Variants in IGSF10 observed in about 807,000 individuals in gnomAD.
The protein encoded by IGSF10 is immunoglobulin superfamily member 10.
IGSF10 carries 126 observed loss-of-function variants against 128.2 expected under a neutral mutation model. The ratio of observed to expected loss-of-function variants is 0.98; its 90% CI spans 0.85 to 1.14. IGSF10 has a LOEUF of 1.14. Ranked by LOEUF, IGSF10 falls within the 50% of genes most tolerant of loss-of-function variation. IGSF10 has a pLI of 0.00. For missense variants in IGSF10, 3,295 were observed against 3,149.8 expected (o/e 1.05, Z -1.10); for synonymous variants, 1,185 against 1,146.2 (o/e 1.03, Z -0.68).
chr3:151,533,888 T>A, the IGSF10 span, among the ~76,000 whole-genome samples: 1 of 152,182 alleles, frequency 6.6e-6, no homozygotes, highest in African/African-American at 2.4e-5. Context: ...TGGGAGAAGA[T>A]TTTTGCAATC....
At chr3:151,567,856 C>T in the IGSF10 span, among the ~76,000 whole-genome samples, 1 of 152,158 alleles carries the variant, frequency 6.6e-6, no homozygotes, top group African/African-American at 2.4e-5. Flanking sequence ...TTCCCCTGTG[C>T]CCCCTGCCTG....
chr3:151,570,133 A>G, the IGSF10 span, among the ~76,000 whole-genome samples: 1 of 152,132 alleles, frequency 6.6e-6, no homozygotes, highest in African/African-American at 2.4e-5. Flanking sequence ...CCAGTCTATC[A>G]TTGTTGGACA....
At chr3:151,520,928 AC>A in the IGSF10 span, among the ~76,000 whole-genome samples, 1 of 147,598 alleles carries the variant, frequency 6.8e-6, no homozygotes, top group Non-Finnish European at 1.5e-5. Flanking sequence ...CTTAAAAGGC[AC>A]AGAGTAGCAA....
chr3:151,522,517 G>A, the IGSF10 span, among the ~76,000 whole-genome samples: 1 of 152,132 alleles, frequency 6.6e-6, no homozygotes, highest in African/African-American at 2.4e-5. Flanking sequence ...TCATCCCTGG[G>A]ATGCAAGGTT....
the IGSF10 span, among the ~76,000 whole-genome samples, chr3:151,582,144 C>T: frequency 6.6e-6 from 1 of 151,946 alleles, no homozygotes; most frequent in African/African-American, 2.4e-5. Context: ...TATTTCTAAA[C>T]TGTAAATAGA....
upstream of IGSF10, chr3:151,461,275 G>A: frequency 1.0e-6 from 1 of 985,334 alleles, no homozygotes. Context: ...CAGTTTCAGT[G>A]GCCGCCCGTT....
chr3:151,517,459 C>A, the IGSF10 span, among the ~76,000 whole-genome samples: 1 of 151,954 alleles, frequency 6.6e-6, no homozygotes, highest in Non-Finnish European at 1.5e-5. Flanking sequence ...CCCTGGTGCA[C>A]TGTATTCTCT....
chr3:151,440,765 G>A (rs1445291913), intron 7 of IGSF10: 5 of 382,444 alleles, frequency 1.3e-5, no homozygotes, highest in Non-Finnish European at 2.1e-5. Context: ...AGCATGGCTT[G>A]GGCATCAGGA....
At chr3:151,537,116 G>T in the IGSF10 span, among the ~76,000 whole-genome samples, 1 of 152,238 alleles carries the variant, frequency 6.6e-6, no homozygotes, top group Admixed American at 6.5e-5. Context: ...AAATTTTTGG[G>T]TAAGCCATCT....
In IGSF10 at chr3:151,438,548, A is replaced by G. The variant is rs757807362; in HGVS notation, c.6013T>C (p.Ser2005Pro). The G allele has an allele frequency of 1.9e-6, 3 of 1,613,790 alleles. No individual in the cohort carries two copies. The Admixed American group carries it at 5.0e-5, about 27-fold the overall frequency. ...ACACCACTGTCTTTTTCTGTTACTGATCCAATAAACAGGGATCCATTAGGG... is the reference window on the plus strand; with the variant it reads ...ACACCACTGTCTTTTTCTGTTACTGGTCCAATAAACAGGGATCCATTAGGG... Reference protein sequence around the residue: ...VYPNGSLFIGSVTEKDSGVYL... With the variant: ...VYPNGSLFIGPVTEKDSGVYL... Residue 2005 changes from serine to proline, a missense_variant, in exon 8 of 8, where the codon TCA becomes CCA. Coordinates refer to ENST00000282466, the MANE Select transcript of IGSF10 (RefSeq NM_178822.5).
At chr3:151,605,539 C>G in the IGSF10 span, among the ~76,000 whole-genome samples, 2 of 151,856 alleles carry the variant, frequency 1.3e-5, no homozygotes, top group Non-Finnish European at 2.9e-5. Flanking sequence ...ACTATGGCTA[C>G]GAAAATTCTA....
chr3:151,514,446 G>T, the IGSF10 span, among the ~76,000 whole-genome samples: 4 of 152,056 alleles, frequency 2.6e-5, no homozygotes, highest in African/African-American at 7.2e-5. Flanking sequence ...GATCCCTTCT[G>T]TGCACCTTAT....
At chr3:151,584,844 G>A in the IGSF10 span, among the ~76,000 whole-genome samples, 17 of 152,202 alleles carry the variant, frequency 1.1e-4, 1 homozygote, top group Admixed American at 1.0e-3. Context: ...TCCAGATAGG[G>A]GAAGCTGTGA....
At chr3:151,546,344 T>C in the IGSF10 span, among the ~76,000 whole-genome samples, 3 of 152,182 alleles carry the variant, frequency 2.0e-5, no homozygotes, top group African/African-American at 7.2e-5. Flanking sequence ...TGTTATTTAC[T>C]ATTTATGTTT....
rs1417323125 is a variant in IGSF10 at position 151,447,709 on chromosome 3, C to A, written c.2272G>T (p.Ala758Ser). 3.7e-6 allele frequency: 6 copies of A among 1,614,004 alleles called. No individual in the cohort carries two copies. The highest frequency in any genetic ancestry group is 4.2e-6 in the Non-Finnish European group (5 of 1,180,040). The part of the protein sequence containing the change: ...ARRIDPQHWA[A>S]LLEKAKKNAM... The stretch of plus-strand genomic sequence containing the variant: ...TTCTTTTTAGCTTTCTCCAACAGTG[C>A]CGCCCAATGTTGTGGGTCAATTCTC... Residue 758 changes from alanine to serine, a missense_variant, in exon 6 of 8, where the codon GCA becomes TCA. Physicochemically the swap from Ala to Ser is moderately conservative, Grantham distance 99. Transcript: ENST00000282466.
the IGSF10 span, among the ~76,000 whole-genome samples, chr3:151,529,097 C>T: frequency 6.6e-6 from 1 of 152,148 alleles, no homozygotes; most frequent in Non-Finnish European, 1.5e-5. Flanking sequence ...GAGGTTCAAA[C>T]TGGGCAGACC....
At chr3:151,471,333 G>A in the IGSF10 span, among the ~76,000 whole-genome samples, 1 of 152,204 alleles carries the variant, frequency 6.6e-6, no homozygotes, top group Non-Finnish European at 1.5e-5. Context: ...AATACTTGTA[G>A]TGTCAGAAAT....
At chr3:151,444,564 C>G (rs556906867) in intron 6 of IGSF10, among the ~76,000 whole-genome samples, 8 of 152,280 alleles carry the variant, frequency 5.3e-5, no homozygotes, top group African/African-American at 1.9e-4. Context: ...CCCACCTTGG[C>G]CTCCCCAAAG....
In IGSF10 at chr3:151,447,155, T is replaced by C. The variant is rs560917801; in HGVS notation, c.2826A>G (p.Lys942=). Residue 942 remains lysine (K), a synonymous_variant, in exon 6 of 8, where the codon AAA becomes AAG. Coordinates refer to ENST00000282466, the MANE Select transcript of IGSF10 (RefSeq NM_178822.5). ...TGGTATTTACTGACTCTAATAATAG[T>C]TTGTTGGTGGTGCTACTAAGCATTT... ...NVKMLSSTTN[K]LLLESVNTTN... 4.2e-5 allele frequency: 67 copies of C among 1,614,172 alleles called. 2 individuals carry two copies. In the South Asian group the frequency reaches 7.4e-4, roughly 18 times the overall value.
Sources: gnomAD v4.1 joint callset for allele counts (sites outside exome capture counted in the v4.1 genomes callset) on GRCh38, gnomAD v4.1.1 for gene constraint, MANE v1.5 for transcripts, NCBI Gene and HGNC (gene_info 2026-07-23, HGNC 2026-07-21) for gene names.